The following PCDHA6 variants were observed in gnomAD, a reference collection of about 807,000 sequenced individuals.
The protein encoded by PCDHA6 is protocadherin alpha 6.
PCDHA6 carries 55 observed loss-of-function variants against 60.3 expected under a neutral mutation model. That is an observed-to-expected ratio of 0.91 (90% CI 0.73 to 1.14). The LOEUF is 1.14. Ranked by LOEUF, PCDHA6 falls within the 50% of genes most tolerant of loss-of-function variation. PCDHA6 has a pLI of 0.00. For synonymous variants in PCDHA6, 652 were observed against 557.9 expected (o/e 1.17, Z -2.38); for missense variants, 1,327 against 1,256.5 (o/e 1.06, Z -0.85).
chr5:140,871,092 C>A (rs575877743), intron 1 of PCDHA6: 2 of 1,613,142 alleles, frequency 1.2e-6, no homozygotes, highest in Admixed American at 1.7e-5. Flanking sequence ...CCACGGCCAC[C>A]GTGCTGGTGT....
intron 1 of PCDHA6, chr5:140,852,588 T>A (rs2150519378): frequency 0.079 from 70,028 of 881,224 alleles, 6,599 homozygotes; most frequent in African/African-American, 0.093. Flanking sequence ...TTTTATTTTT[T>A]TTTTTTGTCA....
chr5:140,995,324 G>A (rs1290299693), intron 3 of PCDHA6, among the ~76,000 whole-genome samples: 1 of 152,190 alleles, frequency 6.6e-6, no homozygotes, highest in African/African-American at 2.4e-5. Context: ...GAACTAACAG[G>A]TGAGTAGTGT....
intron 1 of PCDHA6, among the ~76,000 whole-genome samples, chr5:140,919,654 C>CAT (rs1554199189): frequency 6.6e-6 from 1 of 151,822 alleles, no homozygotes; most frequent in African/African-American, 2.4e-5. Context: ...TAGAGTTTAC[C>CAT]ATATATATTT....
chr5:141,005,463 G>A (rs2098214977), intron 3 of PCDHA6, among the ~76,000 whole-genome samples: 1 of 151,944 alleles, frequency 6.6e-6, no homozygotes. Context: ...CAGCACTTTG[G>A]GAGGCCGAGA....
chr5:140,981,685 C>T (rs369964011), intron 2 of PCDHA6, among the ~76,000 whole-genome samples: 1 of 152,048 alleles, frequency 6.6e-6, no homozygotes, highest in African/African-American at 2.4e-5. Flanking sequence ...TTCCTCCCTT[C>T]CATCATTCAT....
Position 140,829,961 on chromosome 5 carries a change from G to T in PCDHA6, c.1870G>T (p.Val624Leu). Reference protein sequence around the residue: ...PASSARFPFRVGLYTGEISTT... With the variant: ...PASSARFPFRLGLYTGEISTT... ...AAGCAGCGCTCGCTTCCCGTTTCGC[G>T]TGGGGCTGTACACGGGCGAGATCAG... The change falls in exon 1 of 4, where the codon GTG becomes TTG. Residue 624 changes from valine to leucine, a missense_variant. Physicochemically the swap from Val to Leu is conservative, Grantham distance 32 (BLOSUM62 1). Coordinates refer to ENST00000529310, the MANE Select transcript of PCDHA6 (RefSeq NM_018909.4). The T allele has an allele frequency of 1.2e-6, 2 of 1,613,994 alleles. No homozygotes were observed. Among genetic ancestry groups the T allele is most frequent in the Non-Finnish European group, 1.7e-6 (2 of 1,179,920 alleles).
chr5:140,927,099 T>G lies in PCDHA6; in HGVS notation c.2395-51850T>G, dbSNP rs782352775. 10 of 1,613,434 alleles carry G rather than the reference T, an allele frequency of 6.2e-6. No homozygotes were observed. In the South Asian group the frequency reaches 7.7e-5, roughly 12 times the overall value. On this transcript the variant is annotated intron_variant, in intron 1 of 3. Coordinates refer to ENST00000529310, the MANE Select transcript of PCDHA6 (RefSeq NM_018909.4). The stretch of plus-strand genomic sequence containing the variant: ...ACCGCGAGCTCTACTTCGGGGTGGA[T>G]CTACCCAGCGGCAATTTGGTGGTCA...
intron 1 of PCDHA6, chr5:140,864,049 A>G (rs2048299792): frequency 6.5e-6 from 1 of 152,910 alleles, no homozygotes; most frequent in Non-Finnish European, 1.5e-5. Flanking sequence ...ACTTTTTACT[A>G]CAGTCACCAT....
intron 1 of PCDHA6, among the ~76,000 whole-genome samples, chr5:140,969,735 T>A (rs1029423690): frequency 2.6e-5 from 4 of 152,188 alleles, no homozygotes; most frequent in Non-Finnish European, 5.9e-5. Flanking sequence ...TGAAATCCTA[T>A]ATGAGTGATG....
intron 1 of PCDHA6, chr5:140,867,277 A>G (rs2153229225): frequency 6.6e-6 from 1 of 152,228 alleles, no homozygotes; most frequent in East Asian, 1.9e-4. Context: ...AATAAACCTG[A>G]TGTGCTTCAA....
At chr5:140,964,212 A>G (rs1195642946) in intron 1 of PCDHA6, among the ~76,000 whole-genome samples, 11 of 152,244 alleles carry the variant, frequency 7.2e-5, no homozygotes, top group African/African-American at 2.7e-4. Flanking sequence ...TCTTTAGTAC[A>G]ATGTCTTTCA....
intron 1 of PCDHA6, chr5:140,842,671 C>A: frequency 1.9e-6 from 3 of 1,595,454 alleles, no homozygotes; most frequent in Non-Finnish European, 2.6e-6. Flanking sequence ...ACGTGAACGA[C>A]AATGCTCCGG....
chr5:140,895,820 T>A (rs1409721318), intron 1 of PCDHA6, among the ~76,000 whole-genome samples: 2 of 152,156 alleles, frequency 1.3e-5, no homozygotes, highest in Non-Finnish European at 2.9e-5. Context: ...TATTGTATTG[T>A]ATTTTTTTCA....
At chr5:140,921,385 A>C (rs571029849) in intron 1 of PCDHA6, among the ~76,000 whole-genome samples, 1 of 152,294 alleles carries the variant, frequency 6.6e-6, no homozygotes, top group East Asian at 1.9e-4. Flanking sequence ...CATATTTGAT[A>C]AACATTCACA....
intron 1 of PCDHA6, chr5:140,862,727 C>G (rs1407282014): frequency 3.5e-6 from 2 of 570,998 alleles, no homozygotes; most frequent in African/African-American, 1.9e-5. Context: ...TGCGCGCTGT[C>G]TAGCTATGTG....
chr5:140,863,422 G>T (rs782158453), intron 1 of PCDHA6: 6 of 689,158 alleles, frequency 8.7e-6, no homozygotes, highest in Middle Eastern at 5.8e-4. Flanking sequence ...GTACCGCAGC[G>T]TAGTGGGATC....
chr5:140,908,587 T>G (rs186345728), intron 1 of PCDHA6, among the ~76,000 whole-genome samples: 3 of 152,298 alleles, frequency 2.0e-5, no homozygotes, highest in East Asian at 3.9e-4. Context: ...AGTAGTTAGC[T>G]GCAGAAGATG....
chr5:141,010,034 A>G lies in PCDHA6; in HGVS notation c.*97A>G. On this transcript the variant is annotated 3_prime_UTR_variant, in exon 4 of 4. Transcript: ENST00000529310. Reference sequence around the variant, plus strand: ...CCTGCTCCTTTTTCCTATCTACATGAGCCCTCTTAGAGACCTCAGAAATCT... The same window carrying G: ...CCTGCTCCTTTTTCCTATCTACATGGGCCCTCTTAGAGACCTCAGAAATCT... 6.3e-7 allele frequency: 1 copy of G among 1,582,208 alleles called. No individual in the cohort carries two copies.
chr5:140,999,044 T>TTTC (rs1247197667), intron 3 of PCDHA6, among the ~76,000 whole-genome samples: 1 of 152,342 alleles, frequency 6.6e-6, no homozygotes, highest in East Asian at 1.9e-4. Flanking sequence ...TCCAGTGTGC[T>TTTC]TTCCACCATG....
Sources: allele counts gnomAD v4.1 joint callset (sites outside exome capture counted in the v4.1 genomes callset), GRCh38; gene constraint gnomAD v4.1.1; transcripts MANE v1.5; gene names NCBI Gene and HGNC (gene_info 2026-07-23, HGNC 2026-07-21).